ST8SIA5: variants seen among roughly 807,000 people sequenced by gnomAD.
The protein encoded by ST8SIA5 is ST8 alpha-N-acetyl-neuraminide alpha-2,8-sialyltransferase 5, also known as alpha-2,8-sialyltransferase 8E.
Under a neutral mutation model 40.2 loss-of-function variants are expected in ST8SIA5, and 24 were observed. The observed-to-expected ratio is 0.60, with a 90% CI of 0.43 to 0.84. The LOEUF (loss-of-function observed/expected upper bound fraction) is 0.84. ST8SIA5 is among the 40% of genes least tolerant of loss of function. The pLI is 0.00. For missense variants in ST8SIA5, 465 were observed against 498.5 expected, an observed-to-expected ratio of 0.93 and a Z score of 0.64; for synonymous variants, 198 against 201.8, an observed-to-expected ratio of 0.98 and a Z score of 0.16.
Position 46,679,695 on chromosome 18 carries a change from GCT to G in ST8SIA5, c.*345_*346del. ...GCTGCAACAAGGGCCTGCAGTTTGT[GCT>G]CTCTCTCGGATGACAAAATTGGGTG... On this transcript the variant is annotated 3_prime_UTR_variant, in exon 7 of 7. Transcript: ENST00000315087. 1 of 317,442 alleles carries G rather than the reference GCT, an allele frequency of 3.2e-6. No homozygotes were observed. The highest frequency in any genetic ancestry group is 4.0e-5 in the South Asian group (1 of 24,746). 19.7% of individuals were successfully genotyped at this position (317,442 alleles called of 1,614,324 possible).
chr18:46,755,006 G>A (rs989201249), intron 1 of ST8SIA5, among the ~76,000 whole-genome samples: 1 of 152,246 alleles, frequency 6.6e-6, no homozygotes, highest in Admixed American at 6.5e-5. Context: ...AGGAGACTCC[G>A]AAGATGGCCT....
At chr18:46,684,754 T>A (rs2039429241) in intron 5 of ST8SIA5, among the ~76,000 whole-genome samples, 1 of 152,250 alleles carries the variant, frequency 6.6e-6, no homozygotes, top group South Asian at 2.1e-4. Flanking sequence ...TCTCTTTGTG[T>A]TTCCAGCCTG....
chr18:46,682,670 C>A (rs1188527117), intron 5 of ST8SIA5, among the ~76,000 whole-genome samples: 1 of 152,222 alleles, frequency 6.6e-6, no homozygotes, highest in Non-Finnish European at 1.5e-5. Context: ...AGGGACTCTG[C>A]AGCTGCAATG....
At position 46,671,168 on chromosome 18, in the gene ST8SIA5, A is replaced by G. The variant is rs1201201268; in HGVS notation, c.*8874T>C. On this transcript the variant is annotated 3_prime_UTR_variant, in exon 7 of 7. Coordinates refer to ENST00000315087, the MANE Select transcript of ST8SIA5 (RefSeq NM_013305.6). ...CTTTTAATAAGTCTTTGAGATCTCC[A>G]GAGGCTCTTGTCAACTTTGTCGCTG... The G allele has an allele frequency of 2.0e-5, 3 of 152,214 alleles. No homozygotes were observed. The highest frequency in any genetic ancestry group is 7.2e-5 in the African/African-American group (3 of 41,450). 9.4% of individuals were successfully genotyped at this position (152,214 alleles called of 1,614,324 possible). A position where few individuals can be genotyped will look rare whatever the true frequency, so the allele number is the denominator to read the frequency against.
At position 46,669,556 on chromosome 18, in the gene ST8SIA5, C is replaced by T. The variant is rs2039296230; in HGVS notation, c.*10486G>A. ...CCTGAGTCACTGCAGAGCCAGCACACCCCTAGCTGAAGTCCTGACCCTCCT... is the reference window on the plus strand; with the variant it reads ...CCTGAGTCACTGCAGAGCCAGCACATCCCTAGCTGAAGTCCTGACCCTCCT... On this transcript the variant is annotated 3_prime_UTR_variant, in exon 7 of 7. Coordinates refer to ENST00000315087, the MANE Select transcript of ST8SIA5 (RefSeq NM_013305.6). 6.6e-6 allele frequency: 1 copy of T among 152,214 alleles called. No homozygotes were observed. Among genetic ancestry groups the T allele is most frequent in the South Asian group, 2.1e-4 (1 of 4,838 alleles). 9.4% of individuals were successfully genotyped at this position (152,214 alleles called of 1,614,324 possible).
intron 2 of ST8SIA5, among the ~76,000 whole-genome samples, chr18:46,696,925 A>C (rs563111377): frequency 6.6e-6 from 1 of 152,284 alleles, no homozygotes; most frequent in African/African-American, 2.4e-5. Flanking sequence ...ACCTAGAGCC[A>C]ATCTGCACAT....
At chr18:46,708,502 ACTAGC>A (rs1773868347) in intron 1 of ST8SIA5, among the ~76,000 whole-genome samples, 1 of 152,140 alleles carries the variant, frequency 6.6e-6, no homozygotes, top group African/African-American at 2.4e-5. Context: ...ATAGTAAAGG[ACTAGC>A]CTGTGAGTGC....
In ST8SIA5 at chr18:46,701,113, G is replaced by A. The variant is rs570974498; in HGVS notation, c.224+3459C>T. Among the ~76,000 whole-genome samples the A allele has an allele frequency of 5.4e-5, 7 of 129,266 alleles. No individual in the cohort carries two copies. In the South Asian group the frequency reaches 1.1e-3, roughly 19 times the overall value. 84.8% of individuals were successfully genotyped at this position (129,266 alleles called of 152,430 possible). On this transcript the variant is annotated intron_variant, in intron 2 of 6. Transcript: ENST00000315087. The stretch of plus-strand genomic sequence containing the variant: ...ACCCCCAGGACCATATAATGAAACC[G>A]TATTTGGAGATAGGGCCTTTTTTTT...
chr18:46,693,006 C>T (rs1407194069), intron 2 of ST8SIA5, among the ~76,000 whole-genome samples: 4 of 152,006 alleles, frequency 2.6e-5, no homozygotes, highest in African/African-American at 9.7e-5. Context: ...CCATTCCCTC[C>T]CCTGAAAACC....
At chr18:46,718,884 G>A (rs530089529) in intron 1 of ST8SIA5, among the ~76,000 whole-genome samples, 6 of 152,164 alleles carry the variant, frequency 3.9e-5, no homozygotes, top group East Asian at 1.9e-4. Flanking sequence ...TCGTGTCCTC[G>A]TTAGGTCCTC....
chr18:46,755,071 T>A (rs747827035), intron 1 of ST8SIA5, among the ~76,000 whole-genome samples: 1 of 152,162 alleles, frequency 6.6e-6, no homozygotes, highest in Non-Finnish European at 1.5e-5. Flanking sequence ...CAGGGAACGC[T>A]CCCTGGGAAG....
intron 1 of ST8SIA5, among the ~76,000 whole-genome samples, chr18:46,748,254 A>G (rs1227343598): frequency 6.6e-6 from 1 of 151,944 alleles, no homozygotes; most frequent in Non-Finnish European, 1.5e-5. Context: ...ATTTAAAAAA[A>G]TAGGCAAAGG....
intron 1 of ST8SIA5, among the ~76,000 whole-genome samples, chr18:46,725,025 A>AAGGG (rs1176921837): frequency 2.0e-5 from 3 of 149,836 alleles, no homozygotes; most frequent in Non-Finnish European, 4.4e-5. Context: ...GGAAGGAAGG[A>AAGGG]AGGAAGGAAG....
At chr18:46,691,033 C>T (rs944762519) in intron 3 of ST8SIA5, among the ~76,000 whole-genome samples, 3 of 152,194 alleles carry the variant, frequency 2.0e-5, no homozygotes, top group South Asian at 2.1e-4. Context: ...TCTCACTCGC[C>T]CCCAGGGGCA....
chr18:46,755,760 GA>G (rs150279449), intron 1 of ST8SIA5, among the ~76,000 whole-genome samples: 3 of 150,672 alleles, frequency 2.0e-5, no homozygotes, highest in East Asian at 1.9e-4. Context: ...CTAAGGATGA[GA>G]AAAAAAAAGC....
Position 46,671,163 on chromosome 18 carries a change from T to C in ST8SIA5, c.*8879A>G, listed in dbSNP as rs2039306844. Reference sequence around the variant, plus strand: ...TTCCACTTTTAATAAGTCTTTGAGATCTCCAGAGGCTCTTGTCAACTTTGT... The same window carrying C: ...TTCCACTTTTAATAAGTCTTTGAGACCTCCAGAGGCTCTTGTCAACTTTGT... On this transcript the variant is annotated 3_prime_UTR_variant, in exon 7 of 7. Coordinates refer to ENST00000315087, the MANE Select transcript of ST8SIA5 (RefSeq NM_013305.6). The C allele has an allele frequency of 6.6e-6, 1 of 152,140 alleles. No individual in the cohort carries two copies. The highest frequency in any genetic ancestry group is 1.9e-4 in the East Asian group (1 of 5,184). 9.4% of individuals were successfully genotyped at this position (152,140 alleles called of 1,614,324 possible).
chr18:46,726,840 C>T (rs1038444268), intron 1 of ST8SIA5, among the ~76,000 whole-genome samples: 6 of 152,134 alleles, frequency 3.9e-5, no homozygotes, highest in African/African-American at 1.4e-4. Context: ...ATTGCTTGAA[C>T]CCAGGAGGCG....
chr18:46,697,945 A>G (rs761029903), intron 2 of ST8SIA5, among the ~76,000 whole-genome samples: 2 of 152,226 alleles, frequency 1.3e-5, no homozygotes, highest in Non-Finnish European at 2.9e-5. Flanking sequence ...CATGCTTCTC[A>G]TGTATCCCTA....
At chr18:46,684,844 C>T (rs1364632398) in intron 5 of ST8SIA5, among the ~76,000 whole-genome samples, 1 of 152,106 alleles carries the variant, frequency 6.6e-6, no homozygotes, top group Non-Finnish European at 1.5e-5. Context: ...CACCAGGTTC[C>T]GTGGGAGCCC....
Sources: gnomAD v4.1 joint callset for allele counts (sites outside exome capture counted in the v4.1 genomes callset) on GRCh38, gnomAD v4.1.1 for gene constraint, MANE v1.5 for transcripts, NCBI Gene and HGNC (gene_info 2026-07-23, HGNC 2026-07-21) for gene names.